Variants in RDX observed in about 807,000 individuals in gnomAD.
RDX encodes deafness, autosomal recessive 24.
A neutral mutation model predicts 83.7 loss-of-function variants in RDX; 32 were observed. The observed-to-expected ratio is 0.38, with a 90% CI of 0.29 to 0.51. The LOEUF is 0.51. Among genes scored for constraint, RDX ranks in the 20% least tolerant of loss-of-function variants. The pLI, the probability that RDX is intolerant of heterozygous loss-of-function variation, is 0.87. For missense variants in RDX, 600 were observed against 689.9 expected, an observed-to-expected ratio of 0.87 and a Z score of 1.46; for synonymous variants, 229 against 222.7, an observed-to-expected ratio of 1.03 and a Z score of -0.25.
chr11:110,184,661 T>C (rs1591497560), intron 15 of RDX, among the ~76,000 whole-genome samples: 1 of 152,092 alleles, frequency 6.6e-6, no homozygotes, highest in East Asian at 1.9e-4. Flanking sequence ...TGCCAGGAAG[T>C]TGCAAAAACT....
chr11:110,214,331 T>G (rs1211435967), intron 14 of RDX, among the ~76,000 whole-genome samples: 84 of 73,880 alleles, frequency 1.1e-3, no homozygotes, highest in Admixed American at 1.9e-3. Context: ...CATTAAAAAG[T>G]CAGGAAACAA....
rs563315871 is a variant in RDX, at chr11:110,266,036, C to A, written c.97-1162G>T. Among the ~76,000 whole-genome samples the A allele has an allele frequency of 1.9e-4, 29 of 152,060 alleles. 1 individual carries two copies. In the South Asian group the frequency reaches 4.6e-3, roughly 24 times the overall value. On this transcript the variant is annotated intron_variant, in intron 3 of 13. Transcript: ENST00000645495. ...CTGTGGTAGATACTCAAAAGTAAGA[C>A]TAAGTAGGCTGTGCGCAGTGGCTCA...
chr11:110,286,150 G>A (rs775928935), intron 1 of RDX, among the ~76,000 whole-genome samples: 1 of 151,874 alleles, frequency 6.6e-6, no homozygotes, highest in Non-Finnish European at 1.5e-5. Context: ...CTTAAAAGTG[G>A]TCTTGCCCTG....
In RDX at chr11:110,291,996, A is replaced by T. The variant is rs147029687; in HGVS notation, c.-65+4471T>A. Among the ~76,000 whole-genome samples the T allele has an allele frequency of 9.6e-3, 1,460 of 152,144 alleles. 26 individuals are homozygous for T. Among genetic ancestry groups the T allele is most frequent in the African/African-American group, 0.032 (1,320 of 41,496 alleles). On this transcript the variant is annotated intron_variant, in intron 1 of 13. Transcript: ENST00000645495. The stretch of plus-strand genomic sequence containing the variant: ...CCCCGTATCTACAAAAAGGCTTTTT[A>T]AAAAATTAGTTGTTGGCCAGGCACA...
At chr11:110,221,083 A>G (rs1340440363) in intron 14 of RDX, among the ~76,000 whole-genome samples, 2 of 152,162 alleles carry the variant, frequency 1.3e-5, no homozygotes, top group African/African-American at 4.8e-5. Context: ...AGCAATGGCA[A>G]GATGGTGACC....
intron 15 of RDX, among the ~76,000 whole-genome samples, chr11:110,178,826 C>T (rs1862827016): frequency 6.6e-6 from 1 of 152,130 alleles, no homozygotes; most frequent in African/African-American, 2.4e-5. Flanking sequence ...AAAGAGGGAA[C>T]ACTGGGGCTT....
intron 10 of RDX, among the ~76,000 whole-genome samples, chr11:110,246,991 T>A (rs955685940): frequency 1.3e-5 from 2 of 152,218 alleles, no homozygotes; most frequent in Non-Finnish European, 2.9e-5. Context: ...AGCCTGCTGC[T>A]TAGAGAGGAG....
intron 9 of RDX, among the ~76,000 whole-genome samples, chr11:110,249,542 A>AT (rs1565314464): frequency 1.3e-5 from 2 of 151,370 alleles, no homozygotes; most frequent in African/African-American, 4.8e-5. Flanking sequence ...AAGCTAAAAC[A>AT]TAACGGGTCA....
At chr11:110,265,257 A>T (rs1859989496) in intron 3 of RDX, among the ~76,000 whole-genome samples, 1 of 151,572 alleles carries the variant, frequency 6.6e-6, no homozygotes. Context: ...CGCCTAGCTA[A>T]TTTTTTGTAT....
At chr11:110,286,726 C>A (rs1184946177) in intron 1 of RDX, among the ~76,000 whole-genome samples, 3 of 152,160 alleles carry the variant, frequency 2.0e-5, no homozygotes, top group Non-Finnish European at 1.5e-5. Context: ...TCCAAGAGAA[C>A]TCATCTGCCA....
intron 7 of RDX, among the ~76,000 whole-genome samples, chr11:110,255,808 T>C (rs760824718): frequency 7.2e-5 from 11 of 152,094 alleles, no homozygotes; most frequent in Non-Finnish European, 1.3e-4. Flanking sequence ...GGCAAGTTAC[T>C]GCAAATAAAA....
intron 1 of RDX, among the ~76,000 whole-genome samples, chr11:110,281,786 A>C (rs1860772334): frequency 6.6e-6 from 1 of 152,000 alleles, no homozygotes; most frequent in African/African-American, 2.4e-5. Context: ...GCCTTAGTTC[A>C]GGTCTTATCA....
At chr11:110,234,283 T>G (rs1864753445) in intron 12 of RDX, among the ~76,000 whole-genome samples, 1 of 152,198 alleles carries the variant, frequency 6.6e-6, no homozygotes, top group South Asian at 2.1e-4. Context: ...TGAGACATTC[T>G]GTAGGTCCCT....
chr11:110,199,208 A>G (rs1490547072), intron 15 of RDX, among the ~76,000 whole-genome samples: 2 of 152,220 alleles, frequency 1.3e-5, no homozygotes, highest in Admixed American at 1.3e-4. Context: ...TCTCAATGCT[A>G]GAGAGGGCTC....
chr11:110,260,458 C>G (rs1434295518), intron 5 of RDX, among the ~76,000 whole-genome samples: 1 of 151,772 alleles, frequency 6.6e-6, no homozygotes, highest in Non-Finnish European at 1.5e-5. Flanking sequence ...TTCTTGTTTT[C>G]TGAGATGGAG....
chr11:110,270,737 A>G (rs1860270657), intron 3 of RDX, among the ~76,000 whole-genome samples: 1 of 152,216 alleles, frequency 6.6e-6, no homozygotes, highest in Non-Finnish European at 1.5e-5. Flanking sequence ...TCACTGCCCT[A>G]TAATAAATGG....
chr11:110,261,273 G>A (rs138004889), intron 5 of RDX, among the ~76,000 whole-genome samples: 75 of 152,124 alleles, frequency 4.9e-4, no homozygotes, highest in African/African-American at 1.8e-3. Context: ...TTTGATAAAA[G>A]GTATTACCAA....
chr11:110,254,279 C>T (rs1460414376), intron 8 of RDX, among the ~76,000 whole-genome samples, 170 bp from the exon 9 acceptor site: 1 of 152,176 alleles, frequency 6.6e-6, no homozygotes, highest in Non-Finnish European at 1.5e-5. Context: ...CATACTTTCA[C>T]ATAACTGGTT....
chr11:110,268,243 G>A (rs547240919), intron 3 of RDX, among the ~76,000 whole-genome samples: 2 of 151,426 alleles, frequency 1.3e-5, no homozygotes, highest in Admixed American at 6.6e-5. Context: ...GGAGGCGGAG[G>A]TTGCACTGCA....
Sources: gnomAD v4.1 joint callset for allele counts (sites outside exome capture counted in the v4.1 genomes callset) on GRCh38, gnomAD v4.1.1 for gene constraint, MANE v1.5 for transcripts, NCBI Gene and HGNC (gene_info 2026-07-23, HGNC 2026-07-21) for gene names.